CSMD1: variants seen among roughly 807,000 people sequenced by gnomAD.
CSMD1 encodes the protein CUB and Sushi multiple domains 1.
Under a neutral mutation model 417.5 loss-of-function variants are expected in CSMD1, and 213 were observed. That is an observed-to-expected ratio of 0.51 (90% confidence interval 0.46 to 0.57). CSMD1 has a LOEUF of 0.57. Ranked by LOEUF, CSMD1 falls within the 20% of genes least tolerant of loss-of-function variation. The pLI is 0.00. For synonymous variants in CSMD1, 2,862 were observed against 1,736.8 expected (o/e 1.65, Z -16.11); for missense variants, 6,923 against 4,529.7 (o/e 1.53, Z -15.17).
chr8:3,558,896 T>C (rs141838106), intron 10 of CSMD1, among the ~76,000 whole-genome samples: 4 of 152,122 alleles, frequency 2.6e-5, no homozygotes, highest in Non-Finnish European at 5.9e-5. Flanking sequence ...TCAAGGTGTC[T>C]GAAAAGGAAA....
chr8:4,368,142 T>C (rs1443311497), intron 3 of CSMD1, among the ~76,000 whole-genome samples: 1 of 152,080 alleles, frequency 6.6e-6, no homozygotes, highest in Non-Finnish European at 1.5e-5. Context: ...TGTTCATAGA[T>C]GATCATTTTT....
chr8:4,603,181 T>C (rs1800687338), intron 2 of CSMD1, among the ~76,000 whole-genome samples: 1 of 152,070 alleles, frequency 6.6e-6, no homozygotes, highest in Non-Finnish European at 1.5e-5. Flanking sequence ...GTTCTAATTA[T>C]GTGCTTAAAA....
chr8:4,089,311 G>C (rs542925418), intron 3 of CSMD1, among the ~76,000 whole-genome samples: 3 of 152,162 alleles, frequency 2.0e-5, no homozygotes, highest in African/African-American at 7.2e-5. Flanking sequence ...TTTGAAAGAA[G>C]AAAGAAGGAA....
chr8:3,381,506 G>A (rs1054541372), intron 18 of CSMD1, among the ~76,000 whole-genome samples: 2 of 152,012 alleles, frequency 1.3e-5, no homozygotes, highest in African/African-American at 2.4e-5. Flanking sequence ...TACACATGAA[G>A]AAAACTTGAA....
At chr8:4,313,607 T>A (rs372977814) in intron 3 of CSMD1, among the ~76,000 whole-genome samples, 15 of 152,160 alleles carry the variant, frequency 9.9e-5, no homozygotes, top group African/African-American at 3.4e-4. Flanking sequence ...GTGGACTGTC[T>A]GTTTTAAACA....
At chr8:3,465,582 C>A (rs958027936) in intron 12 of CSMD1, among the ~76,000 whole-genome samples, 1 of 152,050 alleles carries the variant, frequency 6.6e-6, no homozygotes, top group Non-Finnish European at 1.5e-5. Flanking sequence ...TAGCAGAGAC[C>A]GTGAACATCT....
intron 3 of CSMD1, among the ~76,000 whole-genome samples, chr8:4,385,768 T>G (rs544901437): frequency 7.9e-5 from 12 of 152,294 alleles, no homozygotes; most frequent in African/African-American, 2.9e-4. Flanking sequence ...TCATGTCGAT[T>G]GTAATGGTTG....
chr8:4,970,858 A>G (rs1009915573), intron 1 of CSMD1, among the ~76,000 whole-genome samples: 1 of 152,100 alleles, frequency 6.6e-6, no homozygotes, highest in Non-Finnish European at 1.5e-5. Flanking sequence ...GATTTTGAAA[A>G]TTTTTTCAGT....
chr8:4,932,841 A>G (rs1396962682), intron 1 of CSMD1, among the ~76,000 whole-genome samples: 1 of 152,218 alleles, frequency 6.6e-6, no homozygotes, highest in African/African-American at 2.4e-5. Flanking sequence ...ATTTTCAACT[A>G]CAGGTCCTGT....
intron 2 of CSMD1, among the ~76,000 whole-genome samples, chr8:4,450,249 G>C (rs760969135): frequency 1.3e-5 from 2 of 152,204 alleles, no homozygotes; most frequent in African/African-American, 2.4e-5. Flanking sequence ...CAAAGAGACA[G>C]TGTCTGATCT....
In CSMD1 at chr8:3,673,075, A is replaced by T. The variant is rs565370344; in HGVS notation, c.1009+35339T>A. ...TTAGCGGTATGATTGATATACTGTA[A>T]ATGTTCAATAAATGCTTACTGAGTT... On this transcript the variant is annotated intron_variant, in intron 7 of 69. Transcript: ENST00000635120. Among the ~76,000 whole-genome samples the T allele has an allele frequency of 1.9e-4, 29 of 152,334 alleles. No homozygotes were observed. In the East Asian group the frequency reaches 5.6e-3, roughly 29 times the overall value.
intron 49 of CSMD1, among the ~76,000 whole-genome samples, chr8:3,068,412 A>G (rs182098491): frequency 1.4e-3 from 210 of 152,308 alleles, no homozygotes; most frequent in Non-Finnish European, 1.7e-3. Context: ...ACTTCACATC[A>G]TGGAAACTAA....
chr8:4,515,362 A>G (rs1046345193), intron 2 of CSMD1, among the ~76,000 whole-genome samples: 4 of 152,170 alleles, frequency 2.6e-5, no homozygotes, highest in East Asian at 1.9e-4. Flanking sequence ...GTGCCATGAC[A>G]TAGTGGAGAG....
intron 3 of CSMD1, among the ~76,000 whole-genome samples, chr8:4,374,477 C>T (rs188021399): frequency 2.0e-5 from 3 of 152,074 alleles, no homozygotes; most frequent in Non-Finnish European, 4.4e-5. Context: ...AGGAAGACAG[C>T]TTGCTACTGG....
At chr8:4,465,142 T>A (rs1800087618) in intron 2 of CSMD1, among the ~76,000 whole-genome samples, 1 of 152,148 alleles carries the variant, frequency 6.6e-6, no homozygotes, top group Admixed American at 6.6e-5. Context: ...CTCAGAATAT[T>A]ACCCCCAAAC....
At chr8:4,170,750 G>A (rs1217138026) in intron 3 of CSMD1, among the ~76,000 whole-genome samples, 3 of 151,458 alleles carry the variant, frequency 2.0e-5, no homozygotes, top group Non-Finnish European at 4.4e-5. Flanking sequence ...ATACTGTTTA[G>A]AAAAAGGTAG....
At chr8:3,521,307 C>T (rs571870998) in intron 10 of CSMD1, among the ~76,000 whole-genome samples, 3 of 152,198 alleles carry the variant, frequency 2.0e-5, no homozygotes, top group Non-Finnish European at 4.4e-5. Context: ...GACTTACTCT[C>T]TCTCAAATTC....
intron 1 of CSMD1, among the ~76,000 whole-genome samples, chr8:4,755,379 G>A (rs989082981): frequency 2.2e-4 from 33 of 152,102 alleles, no homozygotes; most frequent in African/African-American, 8.0e-4. Context: ...AACCTTCAAA[G>A]TGCTGCTTTC....
intron 3 of CSMD1, among the ~76,000 whole-genome samples, chr8:4,039,149 G>A (rs1797762036): frequency 6.6e-6 from 1 of 152,190 alleles, no homozygotes; most frequent in Non-Finnish European, 1.5e-5. Context: ...TCAACAGCAT[G>A]TGTACAATCA....
Sources: gnomAD v4.1 joint callset for allele counts (sites outside exome capture counted in the v4.1 genomes callset) on GRCh38, gnomAD v4.1.1 for gene constraint, MANE v1.5 for transcripts, NCBI Gene and HGNC (gene_info 2026-07-23, HGNC 2026-07-21) for gene names.